Variants in TENM2 observed in about 807,000 individuals in gnomAD.
TENM2 encodes the protein teneurin transmembrane protein 2, also known as teneurin-2.
A neutral mutation model predicts 245.2 loss-of-function variants in TENM2; 52 were observed. The observed-to-expected ratio is 0.21, with a 90% CI of 0.17 to 0.27. The LOEUF (loss-of-function observed/expected upper bound fraction) is 0.27. Among genes scored for constraint, TENM2 ranks in the 10% least tolerant of loss-of-function variants. The pLI is 1.00. For synonymous variants in TENM2, 1,363 were observed against 1,438.9 expected, an observed-to-expected ratio of 0.95 and a Z score of 1.19; for missense variants, 3,046 against 3,666.8, an observed-to-expected ratio of 0.83 and a Z score of 4.37.
intron 2 of TENM2, among the ~76,000 whole-genome samples, chr5:167,546,831 T>C (rs1263292083): frequency 6.6e-6 from 1 of 152,130 alleles, no homozygotes; most frequent in African/African-American, 2.4e-5. Flanking sequence ...AATGTGCTAA[T>C]TTACAACTTA....
chr5:167,841,372 G>A (rs1306186751), intron 2 of TENM2, among the ~76,000 whole-genome samples: 1 of 152,056 alleles, frequency 6.6e-6, no homozygotes, highest in Non-Finnish European at 1.5e-5. Flanking sequence ...TCTCATTTTT[G>A]TAACTTTAAC....
upstream of TENM2, among the ~76,000 whole-genome samples, chr5:167,280,267 T>C (rs12657611): frequency 0.088 from 13,455 of 152,252 alleles, 774 homozygotes; most frequent in East Asian, 0.18. Flanking sequence ...ACATGGCATC[T>C]GCTTACACCG....
intron 2 of TENM2, among the ~76,000 whole-genome samples, chr5:167,398,367 TTTCTTTC>T: frequency 5.2e-5 from 7 of 135,600 alleles, no homozygotes; most frequent in African/African-American, 2.1e-4. Flanking sequence ...CTTTCTTTCC[TTTCTTTC>T]TTCCTTTCTT....
At position 167,463,608 on chromosome 5, in the gene TENM2, C is replaced by G. The variant is rs1422644532; in HGVS notation, c.502+88135C>G. ...CCACCTCCTGGGTTCAAGCGATTCT[C>G]CTGCCTCAGCCTCCCGAGTAGCTGG... is the stretch of plus-strand genomic sequence containing the variant. On this transcript the variant is annotated intron_variant, in intron 2 of 28. Transcript: ENST00000518659. 3.3e-5 allele frequency among the ~76,000 whole-genome samples: 5 copies of G among 151,868 alleles called. No individual in the cohort carries two copies. The East Asian group carries it at 9.7e-4, about 29-fold the overall frequency.
At chr5:167,727,109 T>TTTC (rs1472647045) in intron 2 of TENM2, among the ~76,000 whole-genome samples, 3 of 133,594 alleles carry the variant, frequency 2.2e-5, no homozygotes, top group Admixed American at 7.3e-5. Context: ...AATTTCTTTT[T>TTTC]TTTTTTTTTT....
At chr5:167,168,647 G>T in the TENM2 span, among the ~76,000 whole-genome samples, 3 of 152,212 alleles carry the variant, frequency 2.0e-5, no homozygotes, top group Non-Finnish European at 4.4e-5. Context: ...CTGATGGAAG[G>T]AACTTTGCTT....
intron 7 of TENM2, among the ~76,000 whole-genome samples, chr5:168,089,915 T>C (rs1416404169): frequency 6.6e-6 from 1 of 152,204 alleles, no homozygotes; most frequent in African/African-American, 2.4e-5. Context: ...ACTCTTATTT[T>C]CAGTTTGCCA....
In TENM2 at chr5:168,188,546, A is replaced by G. The variant is rs918690482; in HGVS notation, c.2570-1791A>G. On this transcript the variant is annotated intron_variant, in intron 13 of 28. Transcript: ENST00000518659. ...AAACAGTCATTTTATTCATTCAACA[A>G]ACATCTGTTGAGTGCCCGATTCTGT... 7.2e-5 allele frequency among the ~76,000 whole-genome samples: 11 copies of G among 152,328 alleles called. No homozygotes were observed. In the South Asian group the frequency reaches 2.1e-3, roughly 29 times the overall value.
At chr5:167,070,476 T>C in the TENM2 span, among the ~76,000 whole-genome samples, 1 of 151,914 alleles carries the variant, frequency 6.6e-6, no homozygotes, top group Non-Finnish European at 1.5e-5. Flanking sequence ...TGGTGTGAGT[T>C]TGACAGTTTG....
intron 3 of TENM2, among the ~76,000 whole-genome samples, chr5:167,904,180 A>G (rs548730900): frequency 1.3e-5 from 2 of 152,264 alleles, no homozygotes; most frequent in South Asian, 4.1e-4. Flanking sequence ...TAAATTAGAT[A>G]CTTTGTCTTA....
At chr5:167,778,488 A>G (rs1226872372) in intron 2 of TENM2, among the ~76,000 whole-genome samples, 1 of 152,204 alleles carries the variant, frequency 6.6e-6, no homozygotes, top group Non-Finnish European at 1.5e-5. Context: ...CTGTAACTGG[A>G]GAGTAACTCG....
intron 2 of TENM2, among the ~76,000 whole-genome samples, chr5:167,768,646 T>C (rs1030346162): frequency 6.6e-6 from 1 of 152,188 alleles, no homozygotes; most frequent in African/African-American, 2.4e-5. Context: ...TGAATTTATA[T>C]ACCAACAAAG....
At chr5:167,948,684 T>C (rs1429789775) in intron 3 of TENM2, 1 of 152,264 alleles carries the variant, frequency 6.6e-6, no homozygotes, top group Non-Finnish European at 1.5e-5. Flanking sequence ...ATTAGGTTGA[T>C]ACTGTGTAAG....
the TENM2 span, among the ~76,000 whole-genome samples, chr5:166,997,410 T>C: frequency 2.0e-5 from 3 of 152,174 alleles, no homozygotes; most frequent in African/African-American, 4.8e-5. Flanking sequence ...AATTTCCTTA[T>C]CTGAATACTT....
chr5:167,122,775 G>A, the TENM2 span, among the ~76,000 whole-genome samples: 1 of 152,200 alleles, frequency 6.6e-6, no homozygotes, highest in South Asian at 2.1e-4. Context: ...ATTTCTAGAG[G>A]CAGCTTTCAT....
chr5:167,256,655 A>G, the TENM2 span, among the ~76,000 whole-genome samples: 1 of 152,240 alleles, frequency 6.6e-6, no homozygotes, highest in African/African-American at 2.4e-5. Context: ...TTTCTGCCAT[A>G]ATTTTAAGGG....
chr5:168,059,009 G>A (rs1789802996), intron 6 of TENM2, among the ~76,000 whole-genome samples: 1 of 152,142 alleles, frequency 6.6e-6, no homozygotes, highest in South Asian at 2.1e-4. Context: ...TTCAAACACA[G>A]TTCTATCTGA....
At chr5:168,194,131 T>C (rs560352820) in intron 14 of TENM2, among the ~76,000 whole-genome samples, 1 of 152,228 alleles carries the variant, frequency 6.6e-6, no homozygotes, top group South Asian at 2.1e-4. Flanking sequence ...GACGGGTCAG[T>C]TGATCACCTA....
chr5:167,536,076 A>G (rs1771820266), intron 2 of TENM2, among the ~76,000 whole-genome samples: 1 of 152,158 alleles, frequency 6.6e-6, no homozygotes, highest in Admixed American at 6.5e-5. Context: ...CACCATGCAG[A>G]GTGTGAATCC....
Sources: gnomAD v4.1 joint callset for allele counts (sites outside exome capture counted in the v4.1 genomes callset) on GRCh38, gnomAD v4.1.1 for gene constraint, MANE v1.5 for transcripts, NCBI Gene and HGNC (gene_info 2026-07-23, HGNC 2026-07-21) for gene names.